Variants in POU2AF3 observed in about 807,000 individuals in gnomAD.
The protein encoded by POU2AF3 is POU class 2 homeobox associating factor 3.
At chr11:111,298,846 G>A in the POU2AF3 span, 1 of 354,524 alleles carries the variant, frequency 2.8e-6, no homozygotes, top group Non-Finnish European at 4.5e-6. Context: ...GCCCTCCCAC[G>A]TATCCACTGT....
the POU2AF3 span, among the ~76,000 whole-genome samples, chr11:111,305,739 G>A: frequency 1.3e-5 from 2 of 152,144 alleles, no homozygotes; most frequent in Non-Finnish European, 2.9e-5. Flanking sequence ...GATTATCTTT[G>A]TTTGATGTTT....
chr11:111,299,515 C>A, the POU2AF3 span: 1 of 1,161,850 alleles, frequency 8.6e-7, no homozygotes, highest in East Asian at 3.9e-5. Context: ...TCCCAGCGAA[C>A]CCCTCTTGAG....
the POU2AF3 span, chr11:111,298,826 G>GCGGGGGGGGGGGCCCC: frequency 1.3e-6 from 1 of 790,962 alleles, no homozygotes; most frequent in Non-Finnish European, 1.7e-6. Context: ...CGTACCCCAG[G>GCGGGGGGGGGGGCCCC]CCCCCGCCCG....
At chr11:111,303,490 GTA>G in the POU2AF3 span, among the ~76,000 whole-genome samples, 1 of 152,184 alleles carries the variant, frequency 6.6e-6, no homozygotes, top group Non-Finnish European at 1.5e-5. Context: ...ATAATATCAA[GTA>G]GGATATTGTA....
chr11:111,303,856 C>G, the POU2AF3 span, among the ~76,000 whole-genome samples: 5 of 148,970 alleles, frequency 3.4e-5, no homozygotes, highest in African/African-American at 1.2e-4. Context: ...CAGAGCAATA[C>G]GGGTACCTTT....
At chr11:111,305,433 T>G in the POU2AF3 span, among the ~76,000 whole-genome samples, 1 of 152,140 alleles carries the variant, frequency 6.6e-6, no homozygotes, top group Non-Finnish European at 1.5e-5. Flanking sequence ...TTCAAACAAG[T>G]GTAGGTTTTC....
the POU2AF3 span, among the ~76,000 whole-genome samples, chr11:111,301,877 A>G: frequency 3.3e-5 from 5 of 152,324 alleles, no homozygotes; most frequent in Non-Finnish European, 7.4e-5. Context: ...AAAGCCAGCT[A>G]TTTGGTAATG....
At chr11:111,306,721 C>T in the POU2AF3 span, 2 of 905,542 alleles carry the variant, frequency 2.2e-6, no homozygotes, top group South Asian at 3.3e-5. Context: ...CATACAAAAA[C>T]TATCAGCAAG....
At chr11:111,308,154 C>T in the POU2AF3 span, 1 of 1,551,694 alleles carries the variant, frequency 6.4e-7, no homozygotes, top group Non-Finnish European at 8.7e-7. Flanking sequence ...TCATATGCTC[C>T]AGAGAATTAC....
chr11:111,300,429 C>G, the POU2AF3 span: 5 of 422,438 alleles, frequency 1.2e-5, no homozygotes, highest in Non-Finnish European at 4.0e-6. Flanking sequence ...AACTTAGAAA[C>G]TTGGCTTTGG....
chr11:111,298,828 C>CGGGGGGCGG, the POU2AF3 span: 1 of 411,066 alleles, frequency 2.4e-6, no homozygotes, highest in Non-Finnish European at 4.1e-6. Flanking sequence ...TACCCCAGGC[C>CGGGGGGCGG]CCCGCCCGCC....
chr11:111,300,852 A>G, the POU2AF3 span, among the ~76,000 whole-genome samples: 2 of 152,228 alleles, frequency 1.3e-5, no homozygotes, highest in Non-Finnish European at 2.9e-5. Context: ...TCCATCCCCC[A>G]TGGGTGAAAG....
At chr11:111,306,335 T>C in the POU2AF3 span, 1 of 989,566 alleles carries the variant, frequency 1.0e-6, no homozygotes, top group Non-Finnish European at 1.4e-6. Flanking sequence ...TAGATCTCCA[T>C]TCAAATCTGT....
chr11:111,308,286 A>G, the POU2AF3 span: 4 of 1,551,724 alleles, frequency 2.6e-6, no homozygotes, highest in East Asian at 2.4e-5. Context: ...TCCATCTGCT[A>G]CTGCGCATCG....
At chr11:111,308,559 T>C in the POU2AF3 span, 1 of 1,074,744 alleles carries the variant, frequency 9.3e-7, no homozygotes, top group Non-Finnish European at 1.3e-6. Flanking sequence ...CATGTCACTA[T>C]TTCCAATTTT....
chr11:111,301,450 T>C, the POU2AF3 span, among the ~76,000 whole-genome samples: 7 of 152,328 alleles, frequency 4.6e-5, no homozygotes, highest in South Asian at 1.2e-3. Context: ...TCTGTTAGGA[T>C]TGGTCCTTCT....
chr11:111,302,881 C>G, the POU2AF3 span, among the ~76,000 whole-genome samples: 1 of 152,154 alleles, frequency 6.6e-6, no homozygotes, highest in African/African-American at 2.4e-5. Context: ...GTAGCAGACA[C>G]CAGGGGATGA....
the POU2AF3 span, chr11:111,300,028 A>AAGGG: frequency 2.5e-6 from 1 of 396,570 alleles, no homozygotes; most frequent in Non-Finnish European, 4.4e-6. Flanking sequence ...GCGGAGAAGG[A>AAGGG]AGGGACTCGG....
chr11:111,308,066 T>C, the POU2AF3 span: 3 of 1,488,204 alleles, frequency 2.0e-6, no homozygotes, highest in Middle Eastern at 3.5e-4. Flanking sequence ...GTCATTTCTC[T>C]AGATCCCAGG....
Sources: gnomAD v4.1 joint callset for allele counts (sites outside exome capture counted in the v4.1 genomes callset) on GRCh38, gnomAD v4.1.1 for gene constraint, MANE v1.5 for transcripts, NCBI Gene and HGNC (gene_info 2026-07-23, HGNC 2026-07-21) for gene names.